Variants in BCL11B observed in about 807,000 individuals in gnomAD.
BCL11B encodes the protein BCL11 transcription factor B.
BCL11B carries 8 observed loss-of-function variants against 49.9 expected under a neutral mutation model. The observed-to-expected ratio is 0.16, with a 90% CI of 0.09 to 0.29. The LOEUF (loss-of-function observed/expected upper bound fraction) is 0.29, where lower values mean the gene tolerates loss of function less well. Ranked by LOEUF, BCL11B falls within the 10% of genes least tolerant of loss-of-function variation. The probability of loss-of-function intolerance (pLI) is 1.00; values close to 1 mark genes in which losing one functional copy is unlikely to be tolerated. For missense variants in BCL11B, 1,006 were observed against 1,351.0 expected (o/e 0.74, Z 4.00); for synonymous variants, 739 against 637.4 (o/e 1.16, Z -2.40).
chr14:99,191,881 G>A (rs1471879192), intron 3 of BCL11B, among the ~76,000 whole-genome samples: 1 of 152,176 alleles, frequency 6.6e-6, no homozygotes, highest in Non-Finnish European at 1.5e-5. Context: ...AAGTCAAAGA[G>A]ATAAAAATAC....
chr14:99,220,002 C>G (rs562208251), intron 3 of BCL11B, among the ~76,000 whole-genome samples: 2 of 152,086 alleles, frequency 1.3e-5, no homozygotes, highest in Non-Finnish European at 2.9e-5. Context: ...AGGTTTATTA[C>G]CCACCTAACT....
rs116797216 is a variant in BCL11B at position 99,266,000 on chromosome 14, A to T, written c.58+5161T>A. 4.5e-3 allele frequency among the ~76,000 whole-genome samples: 691 copies of T among 152,306 alleles called. 3 individuals are homozygous for T. Among genetic ancestry groups the T allele is most frequent in the African/African-American group, 0.016 (655 of 41,556 alleles). On this transcript the variant is annotated intron_variant, in intron 1 of 3. Transcript: ENST00000357195. ...AAGCACATATATTCCCCATCACTAGATTACATGTTTAGGGGAGAAATCCTC... is the reference window on the plus strand; with the variant it reads ...AAGCACATATATTCCCCATCACTAGTTTACATGTTTAGGGGAGAAATCCTC...
chr14:99,213,296 C>A lies in BCL11B; in HGVS notation c.640+18049G>T, dbSNP rs1887739398. Among the ~76,000 whole-genome samples the A allele has an allele frequency of 6.6e-6, 1 of 152,232 alleles. No individual in the cohort carries two copies. Among genetic ancestry groups the A allele is most frequent in the Non-Finnish European group, 1.5e-5 (1 of 68,038 alleles). ...GAGGATGAAGGCCCCGAGCTGCTCC[C>A]TCTCAAGTGCAGCAGACACAGCCCC... is the stretch of plus-strand genomic sequence containing the variant. On this transcript the variant is annotated intron_variant, in intron 3 of 3. Coordinates refer to ENST00000357195, the MANE Select transcript of BCL11B (RefSeq NM_138576.4). The surrounding 1 kb of genome is among the most constrained non-coding windows in gnomAD (Gnocchi z 5.1).
intron 2 of BCL11B, among the ~76,000 whole-genome samples, chr14:99,235,809 G>A (rs1888480744): frequency 6.6e-6 from 1 of 152,040 alleles, no homozygotes; most frequent in South Asian, 2.1e-4. Flanking sequence ...TCCAACCAGA[G>A]AAATTTATTC....
At chr14:99,196,217 C>A (rs1468259795) in intron 3 of BCL11B, among the ~76,000 whole-genome samples, 1 of 152,174 alleles carries the variant, frequency 6.6e-6, no homozygotes, top group African/African-American at 2.4e-5. Flanking sequence ...CCCAGCCAAG[C>A]CCTCTTCTCA....
chr14:99,179,792 C>G (rs1365189645), intron 3 of BCL11B, among the ~76,000 whole-genome samples: 2 of 152,106 alleles, frequency 1.3e-5, no homozygotes, highest in African/African-American at 4.8e-5. Flanking sequence ...TCTTTCCAGT[C>G]CCCACTCCCT....
At chr14:99,201,488 C>T (rs1040134022) in intron 3 of BCL11B, among the ~76,000 whole-genome samples, 2 of 152,170 alleles carry the variant, frequency 1.3e-5, no homozygotes, top group African/African-American at 4.8e-5. Flanking sequence ...GGTGGAGTAA[C>T]TTGTCCAAGG....
At chr14:99,253,372 G>A (rs964754736) in intron 2 of BCL11B, among the ~76,000 whole-genome samples, 7 of 152,296 alleles carry the variant, frequency 4.6e-5, no homozygotes, top group Admixed American at 4.6e-4. Context: ...ACCCAGTGGC[G>A]GTTTGTCCCA....
chr14:99,258,857 T>G (rs1855426409), intron 1 of BCL11B, among the ~76,000 whole-genome samples: 1 of 152,092 alleles, frequency 6.6e-6, no homozygotes, highest in African/African-American at 2.4e-5. Flanking sequence ...GACTGTATGT[T>G]TTTATATTTC....
rs532732255 is a variant in BCL11B, at chr14:99,185,378, G to A, written c.641-9183C>T. ...CTTGAACCCAGGAGGCGGAGGTTGCGGTGAGCTGAGATCACACCACTGCAC... is the reference window on the plus strand; with the variant it reads ...CTTGAACCCAGGAGGCGGAGGTTGCAGTGAGCTGAGATCACACCACTGCAC... On this transcript the variant is annotated intron_variant, in intron 3 of 3. Transcript: ENST00000357195. Among the ~76,000 whole-genome samples, 302 of 151,780 alleles carry A rather than the reference G, an allele frequency of 2.0e-3. 3 individuals are homozygous for A. Among genetic ancestry groups the A allele is most frequent in the African/African-American group, 6.8e-3 (280 of 41,394 alleles).
intron 3 of BCL11B, among the ~76,000 whole-genome samples, chr14:99,199,683 T>TGTGTGTGTGTGTGTGTGCGCGCGC (rs759599743): frequency 4.3e-4 from 32 of 73,724 alleles, no homozygotes; most frequent in African/African-American, 9.8e-4. Flanking sequence ...TGTGTGTGTG[T>TGTGTGTGTGTGTGTGTGCGCGCGC]GCGCGCGCGC....
intron 3 of BCL11B, among the ~76,000 whole-genome samples, chr14:99,222,139 G>A (rs905947117): frequency 2.0e-5 from 3 of 152,106 alleles, no homozygotes; most frequent in Non-Finnish European, 4.4e-5. Flanking sequence ...CCTCCACCCC[G>A]ACCCTGCCCT....
At chr14:99,217,683 G>C (rs544554284) in intron 3 of BCL11B, among the ~76,000 whole-genome samples, 14 of 152,264 alleles carry the variant, frequency 9.2e-5, no homozygotes, top group Admixed American at 9.1e-4. Context: ...GGGTAGCCAG[G>C]ACACCCCAGG....
At chr14:99,210,495 C>A (rs776546327) in intron 3 of BCL11B, among the ~76,000 whole-genome samples, 9 of 152,122 alleles carry the variant, frequency 5.9e-5, no homozygotes, top group Non-Finnish European at 1.3e-4. Flanking sequence ...GGAGAAATCA[C>A]CGAGAAGAGC....
intron 3 of BCL11B, among the ~76,000 whole-genome samples, chr14:99,211,325 G>C (rs1262118278): frequency 1.3e-5 from 2 of 152,200 alleles, no homozygotes; most frequent in Non-Finnish European, 2.9e-5. Context: ...GTCCCCATGA[G>C]AGCCTGCAGC....
At chr14:99,237,860 C>A (rs559280772) in intron 2 of BCL11B, among the ~76,000 whole-genome samples, 1 of 149,626 alleles carries the variant, frequency 6.7e-6, no homozygotes, top group African/African-American at 2.4e-5. Flanking sequence ...GGTGAAAGAG[C>A]CTGTCCAGCA....
chr14:99,198,822 C>T (rs911141009), intron 3 of BCL11B, among the ~76,000 whole-genome samples: 1 of 152,136 alleles, frequency 6.6e-6, no homozygotes, highest in Non-Finnish European at 1.5e-5. Flanking sequence ...AAACTTTCCA[C>T]TTAATCAATG....
In BCL11B at chr14:99,247,088, C is replaced by T. The variant is rs1165892110; in HGVS notation, c.427+10383G>A. Among the ~76,000 whole-genome samples, 1 of 152,134 alleles carries T rather than the reference C, an allele frequency of 6.6e-6. No individual in the cohort carries two copies. Among genetic ancestry groups the T allele is most frequent in the African/African-American group, 2.4e-5 (1 of 41,406 alleles). ...ACCACAGCGCTGCAGTCTACGCTGC[C>T]CTGACGCTGGAGTGTGGACCTTGTT... On this transcript the variant is annotated intron_variant, in intron 2 of 3. Coordinates refer to ENST00000357195, the MANE Select transcript of BCL11B (RefSeq NM_138576.4). This position sits in a 1 kb window ranked among gnomAD's most constrained non-coding sequence, Gnocchi z 4.5.
rs72702634 is a variant in BCL11B at position 99,187,593 on chromosome 14, G to A, written c.641-11398C>T. Among the ~76,000 whole-genome samples, 1,011 of 149,994 alleles carry A rather than the reference G, an allele frequency of 6.7e-3. 16 individuals carry two copies. Among genetic ancestry groups the A allele is most frequent in the Non-Finnish European group, 8.0e-3 (543 of 67,776 alleles). ...CAGGAATTTTGCAGAGAATGTGAAAGAGAAGCACAGAGCAAACCATCCTTA... is the reference window on the plus strand; with the variant it reads ...CAGGAATTTTGCAGAGAATGTGAAAAAGAAGCACAGAGCAAACCATCCTTA... On this transcript the variant is annotated intron_variant, in intron 3 of 3. Transcript: ENST00000357195.
Sources: gnomAD v4.1 joint callset for allele counts (sites outside exome capture counted in the v4.1 genomes callset) on GRCh38, gnomAD v4.1.1 for gene constraint, Gnocchi (gnomAD v3.1) non-coding constraint, MANE v1.5 for transcripts, NCBI Gene and HGNC (gene_info 2026-07-23, HGNC 2026-07-21) for gene names.